Variants in KIAA1217 observed in about 807,000 individuals in gnomAD.
KIAA1217 encodes the protein KIAA1217.
In KIAA1217, 88 loss-of-function variants were observed where a neutral mutation model predicts 163.9. That is an observed-to-expected ratio of 0.54 (90% CI 0.45 to 0.64). KIAA1217 has a LOEUF of 0.64. Among genes scored for constraint, KIAA1217 ranks in the 30% least tolerant of loss-of-function variants. The pLI is 0.00. For missense variants in KIAA1217, 2,372 were observed against 2,475.0 expected, an observed-to-expected ratio of 0.96 and a Z score of 0.88; for synonymous variants, 903 against 923.1, an observed-to-expected ratio of 0.98 and a Z score of 0.39.
At chr10:24,128,368 G>A (rs2063539937) in intron 2 of KIAA1217, among the ~76,000 whole-genome samples, 1 of 152,180 alleles carries the variant, frequency 6.6e-6, no homozygotes, top group Non-Finnish European at 1.5e-5. Context: ...CCTAGATTAT[G>A]TAACTTGCTT....
At chr10:24,454,286 A>G (rs1047255144) in intron 5 of KIAA1217, among the ~76,000 whole-genome samples, 6 of 152,210 alleles carry the variant, frequency 3.9e-5, no homozygotes, top group African/African-American at 1.2e-4. Context: ...ACCTCTTTCC[A>G]TTGTGCAGGC....
At chr10:24,175,756 C>T (rs142544303) in intron 2 of KIAA1217, among the ~76,000 whole-genome samples, 7 of 152,222 alleles carry the variant, frequency 4.6e-5, no homozygotes, top group African/African-American at 1.2e-4. Context: ...AGGAGTGAGG[C>T]TGCAGACCTT....
intron 11 of KIAA1217, among the ~76,000 whole-genome samples, chr10:24,520,675 T>TATATATATATATATATATAC (rs1411092462): frequency 1.3e-5 from 1 of 77,506 alleles, no homozygotes; most frequent in Non-Finnish European, 2.3e-5. Flanking sequence ...TATATATATA[T>TATATATATATATATATATAC]ACACACACAC....
In KIAA1217 at chr10:24,219,917, T is replaced by C; in HGVS notation, c.354+8T>C. ...GAGAGGCTGAGAGACCAGGTACGAATATGCTCTCATTTCTCCTTGTGTAGC... is the reference window on the plus strand; with the variant it reads ...GAGAGGCTGAGAGACCAGGTACGAACATGCTCTCATTTCTCCTTGTGTAGC... On this transcript the variant is annotated splice_region_variant and intron_variant, in intron 2 of 20. Coordinates refer to ENST00000376454, the MANE Select transcript of KIAA1217 (RefSeq NM_019590.5). 1 of 1,577,928 alleles carries C rather than the reference T, an allele frequency of 6.3e-7. No individual in the cohort carries two copies. The highest frequency in any genetic ancestry group is 2.2e-5 in the East Asian group (1 of 44,538).
intron 2 of KIAA1217, among the ~76,000 whole-genome samples, chr10:24,132,155 C>A (rs1247057649): frequency 6.6e-6 from 1 of 152,130 alleles, no homozygotes; most frequent in Non-Finnish European, 1.5e-5. Flanking sequence ...TCTTCTGGGT[C>A]CAGACTTGAC....
chr10:23,718,017 G>A (rs762626048), intron 1 of KIAA1217, among the ~76,000 whole-genome samples: 4 of 152,152 alleles, frequency 2.6e-5, no homozygotes, highest in Admixed American at 2.0e-4. Context: ...AAAATGAGCA[G>A]CCTTTTCTAT....
chr10:23,751,506 C>T (rs1009156551), intron 1 of KIAA1217, among the ~76,000 whole-genome samples: 1 of 151,998 alleles, frequency 6.6e-6, no homozygotes, highest in African/African-American at 2.4e-5. Flanking sequence ...TGTTATGTGT[C>T]ATGAGGTCCT....
chr10:23,750,006 C>CTTTCT (rs1192495675), intron 1 of KIAA1217, among the ~76,000 whole-genome samples: 1 of 151,820 alleles, frequency 6.6e-6, no homozygotes, highest in African/African-American at 2.4e-5. Context: ...CTTTCCATTC[C>CTTTCT]TTTCTTTTCT....
At chr10:24,248,462 G>A (rs951845499) in intron 2 of KIAA1217, among the ~76,000 whole-genome samples, 3 of 152,066 alleles carry the variant, frequency 2.0e-5, no homozygotes, top group Non-Finnish European at 4.4e-5. Context: ...CCTGAGGTCA[G>A]GAGTTCAAGA....
At chr10:24,186,875 G>C (rs1025584659) in intron 2 of KIAA1217, among the ~76,000 whole-genome samples, 2 of 152,144 alleles carry the variant, frequency 1.3e-5, no homozygotes, top group African/African-American at 4.8e-5. Context: ...GGGTGACAGA[G>C]TGAGACTCCG....
At chr10:24,394,384 G>C (rs1399408600) in intron 3 of KIAA1217, among the ~76,000 whole-genome samples, 1 of 152,076 alleles carries the variant, frequency 6.6e-6, no homozygotes, top group Non-Finnish European at 1.5e-5. Context: ...AGCTAAACAT[G>C]ATAAAAATAA....
At chr10:24,146,810 C>G (rs2064337767) in intron 2 of KIAA1217, among the ~76,000 whole-genome samples, 1 of 152,132 alleles carries the variant, frequency 6.6e-6, no homozygotes, top group South Asian at 2.1e-4. Context: ...TATCCCTCTA[C>G]CCCATCTCCC....
chr10:23,882,037 C>T (rs1474777720), intron 1 of KIAA1217, among the ~76,000 whole-genome samples: 7 of 148,880 alleles, frequency 4.7e-5, no homozygotes, highest in African/African-American at 1.7e-4. Flanking sequence ...TAGAGTGTCT[C>T]TTTCTTGTCT....
At chr10:23,987,235 G>T (rs892911359) in intron 1 of KIAA1217, among the ~76,000 whole-genome samples, 2 of 151,688 alleles carry the variant, frequency 1.3e-5, no homozygotes, top group Non-Finnish European at 2.9e-5. Context: ...AAATTAGCCG[G>T]GTGTGGTGGT....
intron 2 of KIAA1217, among the ~76,000 whole-genome samples, chr10:24,317,811 G>C (rs2043591421): frequency 6.6e-6 from 1 of 152,126 alleles, no homozygotes. Flanking sequence ...AAACAACTTA[G>C]TAATTATTTA....
chr10:24,492,661 C>G (rs4586050), intron 6 of KIAA1217, among the ~76,000 whole-genome samples: 76,239 of 151,898 alleles, frequency 0.5, 19,414 homozygotes, highest in African/African-American at 0.58. Flanking sequence ...TCAGAAGCTT[C>G]CAATTACAAA....
chr10:23,869,733 A>T (rs1263833696), intron 1 of KIAA1217, among the ~76,000 whole-genome samples: 1 of 152,126 alleles, frequency 6.6e-6, no homozygotes, highest in East Asian at 1.9e-4. Context: ...CTGGTAAGAC[A>T]AGTACCACGG....
At position 23,704,146 on chromosome 10, in the gene KIAA1217, A is replaced by ATGTATGTGTGTG. The variant is rs1400240204; in HGVS notation, c.-321+8915_-321+8916insATGTGTGTGTGT. On this transcript the variant is annotated intron_variant, in intron 1 of 18. Coordinates refer to the KIAA1217 transcript ENST00000376462. ...CATATATGCATGTATGTGTGTGTGT[A>ATGTATGTGTGTG]TGTGTGTGTGTGTGTGTGTGTGTGT... is the stretch of plus-strand genomic sequence containing the variant. Among the ~76,000 whole-genome samples the ATGTATGTGTGTG allele has an allele frequency of 2.2e-3, 144 of 64,816 alleles. 10 individuals carry two copies. The highest frequency in any genetic ancestry group is 7.4e-3 in the African/African-American group (90 of 12,096). The allele number at this position is 64,816 out of a possible 152,430, so 42.5% of individuals were successfully genotyped here.
chr10:24,356,435 C>G (rs987036442), intron 2 of KIAA1217, among the ~76,000 whole-genome samples: 1 of 152,218 alleles, frequency 6.6e-6, no homozygotes, highest in African/African-American at 2.4e-5. Flanking sequence ...AGAGCTCCTG[C>G]CCATTAGTCT....
Sources: gnomAD v4.1 joint callset for allele counts (sites outside exome capture counted in the v4.1 genomes callset) on GRCh38, gnomAD v4.1.1 for gene constraint, MANE v1.5 for transcripts, NCBI Gene and HGNC (gene_info 2026-07-23, HGNC 2026-07-21) for gene names.